Variants in ALDH7A1 observed in about 807,000 individuals in gnomAD.
The protein encoded by ALDH7A1 is alpha-aminoadipic semialdehyde dehydrogenase.
ALDH7A1 carries 63 observed loss-of-function variants against 79.9 expected under a neutral mutation model. The ratio of observed to expected loss-of-function variants is 0.79; its 90% CI spans 0.64 to 0.97. The LOEUF (loss-of-function observed/expected upper bound fraction) is 0.97, where lower values mean the gene tolerates loss of function less well. Among genes scored for constraint, ALDH7A1 ranks in the 50% least tolerant of loss-of-function variants. ALDH7A1 has a pLI of 0.00. For missense variants in ALDH7A1, 627 were observed against 665.2 expected (o/e 0.94, Z 0.63); for synonymous variants, 240 against 231.2 (o/e 1.04, Z -0.34).
At chr5:126,552,241 C>T (rs1392607705) in intron 13 of ALDH7A1, 104 bp from the exon 14 acceptor site, 4 of 790,180 alleles carry the variant, frequency 5.1e-6, no homozygotes, top group African/African-American at 1.7e-5. Flanking sequence ...AAAAAATTAG[C>T]ATCATTTATA....
chr5:126,542,194 A>T lies in ALDH7A1; in HGVS notation c.*2771T>A, dbSNP rs957043600. 2 of 151,990 alleles carry T rather than the reference A, an allele frequency of 1.3e-5. No homozygotes were observed. Among genetic ancestry groups the T allele is most frequent in the African/African-American group, 4.8e-5 (2 of 41,414 alleles). 9.4% of individuals were successfully genotyped at this position (151,990 alleles called of 1,614,324 possible). ...TTGTTGGAGACCATAGGAATTTCAT[A>T]AAAATATTGAAACTGAAAACACTTA... On this transcript the variant is annotated 3_prime_UTR_variant, in exon 18 of 18. Coordinates refer to ENST00000409134, the MANE Select transcript of ALDH7A1 (RefSeq NM_001182.5).
At chr5:126,575,347 A>G (rs938255238) in intron 7 of ALDH7A1, 73 bp downstream of exon 7, 5 of 1,439,182 alleles carry the variant, frequency 3.5e-6, no homozygotes, top group Non-Finnish European at 3.9e-6. Context: ...CATCAGATTA[A>G]AAAGTCAGGG....
At chr5:126,591,537 C>T (rs1489226574) in intron 3 of ALDH7A1, among the ~76,000 whole-genome samples, 1 of 151,750 alleles carries the variant, frequency 6.6e-6, no homozygotes, top group Non-Finnish European at 1.5e-5. Flanking sequence ...CACCCAACAG[C>T]ACAGGGTTTA....
Position 126,570,856 on chromosome 5 carries a change from T to C in ALDH7A1, c.699A>G (p.Ile233Met). The part of the protein sequence containing the change: ...TSLISVAVTK[I>M]IAKVLEDNKL... Reference sequence around the variant, plus strand: ...TGTTGTCCTCCAGAACCTTGGCTATTATCCTAGAAAGGAAAAAGCAATTAC... The same window carrying C: ...TGTTGTCCTCCAGAACCTTGGCTATCATCCTAGAAAGGAAAAAGCAATTAC... Residue 233 changes from isoleucine to methionine, a missense_variant, in exon 8 of 18, where the codon ATA becomes ATG. Ile to Met is a conservative substitution (Grantham distance 10, BLOSUM62 1). Transcript: ENST00000409134. 1.2e-6 allele frequency: 2 copies of C among 1,613,862 alleles called. No homozygotes were observed. Among genetic ancestry groups the C allele is most frequent in the African/African-American group, 2.7e-5 (2 of 75,050 alleles).
At chr5:126,554,637 T>C (rs567093923) in intron 12 of ALDH7A1, 4 of 519,222 alleles carry the variant, frequency 7.7e-6, no homozygotes, top group South Asian at 4.0e-5. Flanking sequence ...ATAAATGACA[T>C]GCAAATGAGT....
intron 3 of ALDH7A1, among the ~76,000 whole-genome samples, chr5:126,590,466 G>C (rs906575072): frequency 6.6e-6 from 1 of 152,208 alleles, no homozygotes; most frequent in Non-Finnish European, 1.5e-5. Flanking sequence ...GACTGAGGCA[G>C]GAGAATCACT....
At chr5:126,591,374 G>A (rs943192872) in intron 3 of ALDH7A1, among the ~76,000 whole-genome samples, 14 of 151,758 alleles carry the variant, frequency 9.2e-5, no homozygotes, top group South Asian at 2.1e-4. Context: ...ACACAAAGAC[G>A]TATCTTGGCT....
In ALDH7A1 at chr5:126,549,971, C is replaced by T. The variant is rs1749934076; in HGVS notation, c.1447G>A (p.Val483Ile). 1.2e-6 allele frequency: 2 copies of T among 1,614,074 alleles called. No homozygotes were observed. Among genetic ancestry groups the T allele is most frequent in the Admixed American group, 3.3e-5 (2 of 60,014 alleles). Residue 483 changes from valine (V) to isoleucine (I), a missense_variant, in exon 16 of 18, where the codon GTC becomes ATC. Val to Ile is a conservative substitution (Grantham distance 29). Coordinates refer to ENST00000409134, the MANE Select transcript of ALDH7A1 (RefSeq NM_001182.5). ...PKGSDCGIVN[V>I]NIPTSGAEIG... ...TCAGCCCCACTTGTTGGAATGTTGA[C>T]ATTTACAATGCCACAGTCTGATCCT...
At chr5:126,550,362 T>G in intron 14 of ALDH7A1, 69 bp from the exon 15 acceptor site, 1 of 1,189,192 alleles carries the variant, frequency 8.4e-7, no homozygotes, top group Non-Finnish European at 1.2e-6. Flanking sequence ...GACATTAAAC[T>G]CATTTCCTGA....
At chr5:126,574,023 CAAAA>C (rs34601459) in intron 7 of ALDH7A1, among the ~76,000 whole-genome samples, 16 of 57,242 alleles carry the variant, frequency 2.8e-4, no homozygotes, top group African/African-American at 8.6e-4. Flanking sequence ...AAGACTGTCT[CAAAA>C]AAAAAAAAAA....
At chr5:126,555,817 T>G (rs1475566326) in intron 12 of ALDH7A1, 114 bp downstream of exon 12, 1 of 829,512 alleles carries the variant, frequency 1.2e-6, no homozygotes, top group East Asian at 2.8e-5. Flanking sequence ...ACCTGCTTCA[T>G]GTGCCTTCAC....
intron 3 of ALDH7A1, among the ~76,000 whole-genome samples, chr5:126,585,433 C>G (rs781474304): frequency 2.0e-5 from 3 of 152,244 alleles, no homozygotes; most frequent in African/African-American, 7.2e-5. Context: ...CCTCACAGAG[C>G]TTGGCTGTGA....
In ALDH7A1 at chr5:126,592,656, A is replaced by G. The variant is rs774023027; in HGVS notation, c.312+8T>C. On this transcript the variant is annotated splice_region_variant and intron_variant, in intron 3 of 17. Coordinates refer to ENST00000409134, the MANE Select transcript of ALDH7A1 (RefSeq NM_001182.5). ...TTTCTGAATTCTAGAAACAAAGGCC[A>G]TACTTACATCTGCCCAGATTTTCCA... is the stretch of plus-strand genomic sequence containing the variant. 2 of 1,613,562 alleles carry G rather than the reference A, an allele frequency of 1.2e-6. No homozygotes were observed. Among genetic ancestry groups the G allele is most frequent in the Non-Finnish European group, 1.7e-6 (2 of 1,179,486 alleles).
chr5:126,552,205 G>A, intron 13 of ALDH7A1, 68 bp from the exon 14 acceptor site: 2 of 1,171,302 alleles, frequency 1.7e-6, no homozygotes, highest in Non-Finnish European at 2.6e-6. Context: ...GTCAGAGGAT[G>A]CAATCTTTGC....
intron 9 of ALDH7A1, chr5:126,564,479 C>T (rs1750504538): frequency 1.7e-6 from 2 of 1,178,044 alleles, no homozygotes; most frequent in Middle Eastern, 2.4e-4. Context: ...ATCTTTTGAT[C>T]ATCGATTTCC....
chr5:126,546,417 AATATC>A lies in ALDH7A1; in HGVS notation c.1490-23_1490-19del. On this transcript the variant is annotated intron_variant, in intron 16 of 17. Transcript: ENST00000409134. Reference sequence around the variant, plus strand: ...TTCTCCTCCTAGAGAAATAAAAAATAATATCATATCTTCTGAGCAGTTTCCATGTG... The same window carrying A: ...TTCTCCTCCTAGAGAAATAAAAAATAATATCTTCTGAGCAGTTTCCATGTG... The A allele has an allele frequency of 6.2e-7, 1 of 1,612,142 alleles. No individual in the cohort carries two copies. Among genetic ancestry groups the A allele is most frequent in the Admixed American group, 1.7e-5 (1 of 60,014 alleles).
intron 16 of ALDH7A1, among the ~76,000 whole-genome samples, chr5:126,548,401 A>G (rs1227951881): frequency 1.1e-4 from 16 of 148,112 alleles, no homozygotes; most frequent in African/African-American, 4.0e-4. Context: ...TACAGGCATG[A>G]GCCACCATGC....
At chr5:126,578,215 G>C (rs1156690407) in intron 5 of ALDH7A1, among the ~76,000 whole-genome samples, 1 of 152,004 alleles carries the variant, frequency 6.6e-6, no homozygotes, top group Admixed American at 6.6e-5. Flanking sequence ...CTTGACCCCG[G>C]GAGGCAGAGG....
At chr5:126,553,951 T>C (rs901266779) in intron 13 of ALDH7A1, among the ~76,000 whole-genome samples, 14 of 151,038 alleles carry the variant, frequency 9.3e-5, no homozygotes, top group African/African-American at 3.2e-4. Flanking sequence ...TACCAAAAAA[T>C]ATAAAAATTA....
Sources: allele counts gnomAD v4.1 joint callset (sites outside exome capture counted in the v4.1 genomes callset), GRCh38; gene constraint gnomAD v4.1.1; transcripts MANE v1.5; gene names NCBI Gene and HGNC (gene_info 2026-07-23, HGNC 2026-07-21).